The following PRDM10 variants were observed in gnomAD, a reference collection of about 807,000 sequenced individuals.
PRDM10 encodes PR/SET domain 10, also known as PR domain zinc finger protein 10.
A neutral mutation model predicts 133.1 loss-of-function variants in PRDM10; 65 were observed. The ratio of observed to expected loss-of-function variants is 0.49; its 90% CI spans 0.40 to 0.60. PRDM10 has a LOEUF of 0.60. PRDM10 is among the 20% of genes least tolerant of loss of function. The pLI is 0.00. For synonymous variants in PRDM10, 582 were observed against 580.4 expected (o/e 1.00, Z -0.04); for missense variants, 1,137 against 1,507.1 (o/e 0.75, Z 4.07).
chr11:129,962,952 T>C (rs1299762817), intron 1 of PRDM10, among the ~76,000 whole-genome samples: 2 of 152,000 alleles, frequency 1.3e-5, no homozygotes, highest in Non-Finnish European at 2.9e-5. Context: ...AGTGCAAGAC[T>C]AGCCTGGGTA....
chr11:129,929,642 C>T (rs1366269076), intron 11 of PRDM10, among the ~76,000 whole-genome samples: 3 of 152,010 alleles, frequency 2.0e-5, no homozygotes, highest in African/African-American at 4.8e-5. Context: ...AGGAACCTTG[C>T]ACCAAAACCA....
intron 1 of PRDM10, among the ~76,000 whole-genome samples, chr11:130,002,481 C>T (rs1939478059): frequency 6.6e-6 from 1 of 152,080 alleles, no homozygotes; most frequent in Non-Finnish European, 1.5e-5. Flanking sequence ...TGAGGTGCCT[C>T]GTCCCAGCCC....
intron 1 of PRDM10, among the ~76,000 whole-genome samples, chr11:129,985,570 C>T (rs984015908): frequency 3.3e-5 from 5 of 151,614 alleles, no homozygotes; most frequent in African/African-American, 1.2e-4. Flanking sequence ...AGTGGGAGGA[C>T]TGCTTGAGCT....
At chr11:129,970,185 G>A (rs897755553) in intron 1 of PRDM10, among the ~76,000 whole-genome samples, 7 of 152,196 alleles carry the variant, frequency 4.6e-5, no homozygotes, top group Admixed American at 6.5e-5. Flanking sequence ...AACCAGGCAT[G>A]TTCCCTAAAA....
At position 129,912,109 on chromosome 11, in the gene PRDM10, G is replaced by A. The variant is rs746304470; in HGVS notation, c.2958C>T (p.Thr986=). 42 of 1,611,432 alleles carry A rather than the reference G, an allele frequency of 2.6e-5. No individual in the cohort carries two copies. Among genetic ancestry groups the A allele is most frequent in the South Asian group, 2.1e-4 (19 of 90,786 alleles). ...QVQHIQVSEP[T]ASAPSSAQVS... Reference sequence around the variant, plus strand: ...CCTGGGCGGAGGACGGGGCCGAGGCGGTAGGCTCGCTGACCTGGATGTGCT... The same window carrying A: ...CCTGGGCGGAGGACGGGGCCGAGGCAGTAGGCTCGCTGACCTGGATGTGCT... The change falls in exon 18 of 21, where the codon ACC becomes ACT. Residue 986 remains threonine, a synonymous_variant. Transcript: ENST00000360871.
chr11:129,911,721 T>C (rs193061264), intron 18 of PRDM10, among the ~76,000 whole-genome samples: 50 of 152,298 alleles, frequency 3.3e-4, no homozygotes, highest in African/African-American at 1.2e-3. Context: ...CTTATCTATG[T>C]ATCTCAATTC....
At chr11:129,993,357 T>C (rs1051739481) in intron 1 of PRDM10, among the ~76,000 whole-genome samples, 2 of 152,238 alleles carry the variant, frequency 1.3e-5, no homozygotes, top group Admixed American at 6.5e-5. Context: ...AAAAGTGTTA[T>C]TGTTTTGCCT....
chr11:129,995,929 G>C (rs1383273020), intron 1 of PRDM10, among the ~76,000 whole-genome samples: 5 of 151,718 alleles, frequency 3.3e-5, no homozygotes, highest in Non-Finnish European at 5.9e-5. Context: ...CTGGGCAACA[G>C]AGCGGGACTC....
chr11:129,907,480 C>G (rs932706871), intron 19 of PRDM10, among the ~76,000 whole-genome samples: 1 of 152,138 alleles, frequency 6.6e-6, no homozygotes, highest in Non-Finnish European at 1.5e-5. Flanking sequence ...TCTCGGCTCA[C>G]CACAACCTTC....
Position 129,932,791 on chromosome 11 carries a change from G to C in PRDM10, c.1158-560C>G, listed in dbSNP as rs540377623. Reference sequence around the variant, plus strand: ...TTTTTTTTTTCTCTTTTTGAGGCTAGGTCTTGCTCTGCTACCCAGGCTGGA... The same window carrying C: ...TTTTTTTTTTCTCTTTTTGAGGCTACGTCTTGCTCTGCTACCCAGGCTGGA... On this transcript the variant is annotated intron_variant, in intron 9 of 20. Transcript: ENST00000360871. Among the ~76,000 whole-genome samples, 11 of 151,694 alleles carry C rather than the reference G, an allele frequency of 7.3e-5. No homozygotes were observed. In the East Asian group the frequency reaches 2.1e-3, roughly 29 times the overall value.
At chr11:129,997,896 AAC>A (rs1199455076) in intron 1 of PRDM10, among the ~76,000 whole-genome samples, 1 of 152,244 alleles carries the variant, frequency 6.6e-6, no homozygotes, top group African/African-American at 2.4e-5. Flanking sequence ...GCACTAAAAA[AAC>A]AGACATCTAC....
intron 1 of PRDM10, among the ~76,000 whole-genome samples, chr11:129,988,862 C>T (rs1938577079): frequency 7.1e-6 from 1 of 140,996 alleles, no homozygotes; most frequent in Admixed American, 6.8e-5. Flanking sequence ...ATCTCCTGAC[C>T]TCGTGATCCG....
chr11:129,987,264 T>C (rs1224168162), intron 1 of PRDM10, among the ~76,000 whole-genome samples: 1 of 152,240 alleles, frequency 6.6e-6, no homozygotes, highest in African/African-American at 2.4e-5. Flanking sequence ...TCCTGCCATG[T>C]CAACAAACCA....
chr11:129,919,323 C>T (rs1680688845), intron 13 of PRDM10, among the ~76,000 whole-genome samples: 1 of 152,210 alleles, frequency 6.6e-6, no homozygotes, highest in African/African-American at 2.4e-5. Flanking sequence ...GTTGAGATCA[C>T]ACCACTGCAC....
intron 19 of PRDM10, among the ~76,000 whole-genome samples, chr11:129,907,009 C>G (rs1035442682): frequency 6.6e-5 from 10 of 150,694 alleles, no homozygotes; most frequent in Admixed American, 5.3e-4. Context: ...AAAAGAATAT[C>G]ACGACTTTGC....
chr11:129,942,414 G>A lies in PRDM10; in HGVS notation c.966+12C>T. The A allele has an allele frequency of 6.2e-7, 1 of 1,611,368 alleles. No individual in the cohort carries two copies. The highest frequency in any genetic ancestry group is 8.5e-7 in the Non-Finnish European group (1 of 1,178,076). On this transcript the variant is annotated intron_variant, in intron 7 of 20. Coordinates refer to ENST00000360871, the MANE Select transcript of PRDM10 (RefSeq NM_199437.2). ...GCTAGCAAATAGCAGCACGGGTCAG[G>A]CAGCACTGTACCTTCAGTTCCTGCT...
chr11:129,917,280 T>C, intron 14 of PRDM10, 43 bp from the exon 15 acceptor site: 5 of 1,449,094 alleles, frequency 3.5e-6, no homozygotes, highest in Non-Finnish European at 4.8e-6. Context: ...GAGACCCCAT[T>C]AACCAAACAG....
intron 1 of PRDM10, among the ~76,000 whole-genome samples, chr11:129,962,066 G>C (rs1455212994): frequency 6.6e-6 from 1 of 152,130 alleles, no homozygotes; most frequent in African/African-American, 2.4e-5. Flanking sequence ...TAAAAAATTT[G>C]GTGAATGCAA....
At chr11:129,948,605 T>C (rs886801770) in intron 4 of PRDM10, among the ~76,000 whole-genome samples, 5 of 152,216 alleles carry the variant, frequency 3.3e-5, no homozygotes, top group Non-Finnish European at 7.3e-5. Context: ...ACAATTTCTG[T>C]GGAGCCCAGA....
Sources: gnomAD v4.1 joint callset for allele counts (sites outside exome capture counted in the v4.1 genomes callset) on GRCh38, gnomAD v4.1.1 for gene constraint, MANE v1.5 for transcripts, NCBI Gene and HGNC (gene_info 2026-07-23, HGNC 2026-07-21) for gene names.